The following LRRC51 variants were observed in gnomAD, a reference collection of about 807,000 sequenced individuals.
The protein encoded by LRRC51 is leucine rich repeat containing 51.
A neutral mutation model predicts 17.8 loss-of-function variants in LRRC51; 8 were observed. The observed-to-expected ratio is 0.45, with a 90% CI of 0.26 to 0.81. The LOEUF is 0.81. LRRC51 is among the 30% of genes least tolerant of loss of function. The pLI is 0.17. For synonymous variants in LRRC51, 92 were observed against 96.0 expected, an observed-to-expected ratio of 0.96 and a Z score of 0.24; for missense variants, 233 against 239.3, an observed-to-expected ratio of 0.97 and a Z score of 0.17.
At position 72,094,934 on chromosome 11, in the gene LRRC51, TC is replaced by T. The variant is rs1183319452; in HGVS notation, c.289-11del. On this transcript the variant is annotated splice_polypyrimidine_tract_variant and intron_variant, in intron 4 of 5. Transcript: ENST00000289488. ...GTCCTGTCTAGCCTGGCTTTTGGTT[TC>T]CCTCCCCAACAGGTCCTAACAACTT... The T allele has an allele frequency of 6.2e-7, 1 of 1,614,128 alleles. No individual in the cohort carries two copies.
intron 4 of LRRC51, 170 bp from the exon 5 acceptor site, chr11:72,094,778 C>A: frequency 7.6e-7 from 1 of 1,310,176 alleles, no homozygotes; most frequent in Non-Finnish European, 1.1e-6. Context: ...CCCTGTATGT[C>A]TTAAAACATA....
rs1216712649 is a variant in LRRC51 at position 72,096,800 on chromosome 11, C to T, written c.*1280C>T. 7 of 1,377,956 alleles carry T rather than the reference C, an allele frequency of 5.1e-6. No homozygotes were observed. The highest frequency in any genetic ancestry group is 6.7e-6 in the Non-Finnish European group (7 of 1,043,682). The allele number at this position is 1,377,956 out of a possible 1,614,324, so 85.4% of individuals were successfully genotyped here. On this transcript the variant is annotated 3_prime_UTR_variant, in exon 6 of 6. Coordinates refer to ENST00000289488, the MANE Select transcript of LRRC51 (RefSeq NM_145309.6). ...ATGGCCTATGATCTCTGAAACCAGCCCCCACTTCAATCAGATCAAAGTAAT... is the reference window on the plus strand; with the variant it reads ...ATGGCCTATGATCTCTGAAACCAGCTCCCACTTCAATCAGATCAAAGTAAT...
Position 72,095,554 on chromosome 11 carries a change from A to G in LRRC51, c.*34A>G. 6 of 1,606,230 alleles carry G rather than the reference A, an allele frequency of 3.7e-6. No individual in the cohort carries two copies. Among genetic ancestry groups the G allele is most frequent in the South Asian group, 3.3e-5 (3 of 89,830 alleles). Reference sequence around the variant, plus strand: ...CGACCCTAGTAGTCCTAAAGGCCTAAGCATAGACAGCATGGTTTGACAATA... The same window carrying G: ...CGACCCTAGTAGTCCTAAAGGCCTAGGCATAGACAGCATGGTTTGACAATA... On this transcript the variant is annotated 3_prime_UTR_variant, in exon 6 of 6. Transcript: ENST00000289488.
At chr11:72,085,719 T>C (rs1944492075) in intron 1 of LRRC51, 1 of 152,406 alleles carries the variant, frequency 6.6e-6, no homozygotes, top group Admixed American at 6.5e-5. Flanking sequence ...ACATTTATTA[T>C]TGCTTCTAAG....
chr11:72,086,753 T>TGTTA (rs10683614), intron 1 of LRRC51, among the ~76,000 whole-genome samples: 143,146 of 152,136 alleles, frequency 0.94, 67,515 homozygotes, highest in Non-Finnish European at 0.98. Context: ...TGGGTTGCTC[T>TGTTA]GTCAAGAAAA....
intron 3 of LRRC51, among the ~76,000 whole-genome samples, chr11:72,090,980 G>A (rs1944823705): frequency 6.6e-6 from 1 of 152,200 alleles, no homozygotes; most frequent in Non-Finnish European, 1.5e-5. Context: ...ATTGATATTT[G>A]TGGTCCAGCT....
chr11:72,088,163 G>A (rs1202755458), intron 1 of LRRC51, 134 bp from the exon 2 acceptor site: 3 of 559,592 alleles, frequency 5.4e-6, no homozygotes, highest in East Asian at 6.0e-5. Flanking sequence ...CAGGTGAGTA[G>A]TATTCTCATG....
In LRRC51 at chr11:72,094,324, C is replaced by G. The variant is rs377642324; in HGVS notation, c.288+623C>G. ...AGAAAAGAAAATACATGAAAACCAA[C>G]AAACAACTGGTACATCAGAGGCTGA... is the stretch of plus-strand genomic sequence containing the variant. On this transcript the variant is annotated intron_variant, in intron 4 of 5. Coordinates refer to ENST00000289488, the MANE Select transcript of LRRC51 (RefSeq NM_145309.6). The G allele has an allele frequency of 7.7e-5, 16 of 208,494 alleles. 1 individual carries two copies. The highest frequency in any genetic ancestry group is 3.6e-4 in the East Asian group (3 of 8,290). The allele number at this position is 208,494 out of a possible 1,614,324, so 12.9% of individuals were successfully genotyped here. A position where few individuals can be genotyped will look rare whatever the true frequency, so the allele number is the denominator to read the frequency against.
intron 2 of LRRC51, 39 bp from the exon 3 acceptor site, chr11:72,088,990 C>T (rs767518170): frequency 6.6e-5 from 106 of 1,606,494 alleles, no homozygotes; most frequent in South Asian, 1.2e-4. Flanking sequence ...ACCTGAAAGC[C>T]GGTGTACTTG....
intron 1 of LRRC51, chr11:72,083,801 A>G (rs1944376080): frequency 1.3e-5 from 2 of 152,192 alleles, no homozygotes; most frequent in Admixed American, 1.3e-4. Flanking sequence ...AGCTGGAAGG[A>G]GACACTGTTC....
chr11:72,088,989 C>G (rs1944697797), intron 2 of LRRC51, 40 bp from the exon 3 acceptor site: 1 of 1,605,944 alleles, frequency 6.2e-7, no homozygotes. Context: ...AACCTGAAAG[C>G]CGGTGTACTT....
intron 4 of LRRC51, 136 bp downstream of exon 4, chr11:72,093,837 C>T: frequency 2.3e-6 from 2 of 855,802 alleles, no homozygotes; most frequent in African/African-American, 1.7e-5. Flanking sequence ...GGCTAGGGGG[C>T]CAGACAGATA....
chr11:72,088,939 G>A (rs1272009931), intron 2 of LRRC51, 90 bp from the exon 3 acceptor site: 4 of 1,464,536 alleles, frequency 2.7e-6, no homozygotes, highest in Admixed American at 1.9e-5. Flanking sequence ...CAGGCCTAGA[G>A]TAGTAGAGGA....
chr11:72,089,070 T>C lies in LRRC51; in HGVS notation c.-14T>C. The C allele has an allele frequency of 6.2e-7, 1 of 1,613,592 alleles. No homozygotes were observed. The highest frequency in any genetic ancestry group is 8.5e-7 in the Non-Finnish European group (1 of 1,179,962). On this transcript the variant is annotated 5_prime_UTR_variant, in exon 3 of 6. The change abolishes an upstream ATG in the 5' untranslated region. Transcript: ENST00000289488. ...CAGGGCACCTGCTTGCACCTTTGAA[T>C]GATGGCCTGAACTATGAACAAACGG...
chr11:72,086,475 A>G (rs1431731350), intron 1 of LRRC51: 1 of 702,084 alleles, frequency 1.4e-6, no homozygotes, highest in Admixed American at 2.0e-5. Flanking sequence ...AGAACAGCTT[A>G]GCATCAACTC....
chr11:72,095,635 T>A lies in LRRC51; in HGVS notation c.*115T>A, dbSNP rs375280512. The A allele has an allele frequency of 8.8e-5, 136 of 1,547,058 alleles. No individual in the cohort carries two copies. In the African/African-American group the frequency reaches 1.7e-3, roughly 19 times the overall value. ...TCACTTACACCTTGTAGAGATGTTC[T>A]CTAACTCAGGCAACTGCAAGTAGCT... On this transcript the variant is annotated 3_prime_UTR_variant, in exon 6 of 6. Transcript: ENST00000289488.
chr11:72,088,308 A>C lies in LRRC51; in HGVS notation c.-128A>C. 1.4e-6 allele frequency: 1 copy of C among 701,290 alleles called. No individual in the cohort carries two copies. The highest frequency in any genetic ancestry group is 2.6e-6 in the Non-Finnish European group (1 of 384,276). The allele number at this position is 701,290 out of a possible 1,614,324, so 43.4% of individuals were successfully genotyped here. On this transcript the variant is annotated 5_prime_UTR_variant, in exon 2 of 6. Coordinates refer to ENST00000289488, the MANE Select transcript of LRRC51 (RefSeq NM_145309.6). Reference sequence around the variant, plus strand: ...TTCATCCCTGTCAGGGAGTATTTCCATTTTAACCGGAAACAATCCCTGAAC... The same window carrying C: ...TTCATCCCTGTCAGGGAGTATTTCCCTTTTAACCGGAAACAATCCCTGAAC...
intron 3 of LRRC51, among the ~76,000 whole-genome samples, chr11:72,089,913 C>G (rs1247317797): frequency 6.6e-6 from 1 of 152,252 alleles, no homozygotes; most frequent in Non-Finnish European, 1.5e-5. Context: ...TAGGGAAGTT[C>G]TGCCATCCCT....
At chr11:72,094,156 G>A (rs1457422286) in intron 4 of LRRC51, among the ~76,000 whole-genome samples, 3 of 151,938 alleles carry the variant, frequency 2.0e-5, no homozygotes, top group Non-Finnish European at 4.4e-5. Context: ...CGTGGTGGCG[G>A]GCGCCTGTAG....
Sources: gnomAD v4.1 joint callset for allele counts (sites outside exome capture counted in the v4.1 genomes callset) on GRCh38, gnomAD v4.1.1 for gene constraint, MANE v1.5 for transcripts, NCBI Gene and HGNC (gene_info 2026-07-23, HGNC 2026-07-21) for gene names.